PARVB: variants seen among roughly 807,000 people sequenced by gnomAD.
The protein encoded by PARVB is beta-parvin.
In PARVB, 46 loss-of-function variants were observed where a neutral mutation model predicts 47.0. That is an observed-to-expected ratio of 0.98 (90% CI 0.77 to 1.25). The LOEUF (loss-of-function observed/expected upper bound fraction) is 1.25, where lower values mean the gene tolerates loss of function less well. Among genes scored for constraint, PARVB ranks in the 50% most tolerant of loss-of-function variants. PARVB has a pLI of 0.00. For synonymous variants in PARVB, 196 were observed against 196.3 expected (o/e 1.00, Z 0.01); for missense variants, 473 against 471.6 (o/e 1.00, Z -0.03).
chr22:44,122,964 C>T (rs543374833), intron 4 of PARVB, among the ~76,000 whole-genome samples: 9 of 152,162 alleles, frequency 5.9e-5, no homozygotes, highest in Non-Finnish European at 8.8e-5. Context: ...GGAATATCCT[C>T]GTGCAGATGT....
intron 1 of PARVB, among the ~76,000 whole-genome samples, 165 bp from the exon 2 acceptor site, chr22:44,093,763 A>G (rs996751592): frequency 6.6e-6 from 1 of 152,246 alleles, no homozygotes; most frequent in Non-Finnish European, 1.5e-5. Context: ...TTCTTGGTTC[A>G]GAGCATTTTT....
intron 1 of PARVB, among the ~76,000 whole-genome samples, chr22:44,060,157 A>T (rs1367767103): frequency 6.6e-6 from 1 of 152,082 alleles, no homozygotes; most frequent in Non-Finnish European, 1.5e-5. Context: ...TCTACTAAAA[A>T]TACAAAAAAT....
At chr22:44,161,419 T>G (rs1306782408) in intron 11 of PARVB, among the ~76,000 whole-genome samples, 1 of 151,436 alleles carries the variant, frequency 6.6e-6, no homozygotes, top group South Asian at 2.1e-4. Context: ...GTTCAAGCGA[T>G]TCTTCTGCCT....
At chr22:44,115,021 C>A (rs796357654) in intron 3 of PARVB, 1 of 85,024 alleles carries the variant, frequency 1.2e-5, no homozygotes, top group Non-Finnish European at 2.3e-5. Context: ...TAAGGCCCTG[C>A]ACCAACACAG....
At chr22:44,082,254 C>T (rs1436359928) in intron 1 of PARVB, among the ~76,000 whole-genome samples, 3 of 152,216 alleles carry the variant, frequency 2.0e-5, no homozygotes, top group South Asian at 2.1e-4. Flanking sequence ...TGCGGTGGTT[C>T]GTGCCTGTAA....
chr22:44,120,418 G>A (rs745770922), intron 4 of PARVB, among the ~76,000 whole-genome samples: 2 of 152,170 alleles, frequency 1.3e-5, no homozygotes, highest in African/African-American at 4.8e-5. Flanking sequence ...GGAAGGGTCT[G>A]GGCCTCTTGT....
At chr22:44,124,209 C>A (rs1277877976) in intron 4 of PARVB, among the ~76,000 whole-genome samples, 2 of 152,218 alleles carry the variant, frequency 1.3e-5, no homozygotes, top group Non-Finnish European at 2.9e-5. Context: ...TCCACAGACT[C>A]CAGAAGGGAT....
At chr22:44,046,472 G>A (rs1177697114) in intron 1 of PARVB, among the ~76,000 whole-genome samples, 2 of 152,262 alleles carry the variant, frequency 1.3e-5, no homozygotes, top group Admixed American at 6.5e-5. Flanking sequence ...CTGCAAGGTA[G>A]GAGCTGACTG....
At chr22:44,044,545 G>A (rs534367091) in intron 1 of PARVB, among the ~76,000 whole-genome samples, 1 of 152,040 alleles carries the variant, frequency 6.6e-6, no homozygotes, top group South Asian at 2.1e-4. Flanking sequence ...GAGTGCAGTG[G>A]CATGATCTTG....
intron 1 of PARVB, among the ~76,000 whole-genome samples, chr22:44,037,474 G>A (rs951393470): frequency 6.6e-6 from 1 of 152,082 alleles, no homozygotes; most frequent in South Asian, 2.1e-4. Flanking sequence ...TAATCACACC[G>A]TAGCTAAGAC....
At chr22:44,092,024 G>A (rs1257080821) in intron 1 of PARVB, among the ~76,000 whole-genome samples, 1 of 152,082 alleles carries the variant, frequency 6.6e-6, no homozygotes, top group Non-Finnish European at 1.5e-5. Flanking sequence ...GGGACTTGAT[G>A]TTCATTGTTT....
At chr22:44,016,318 G>T (rs536941081) in intron 2 of PARVB, among the ~76,000 whole-genome samples, 2 of 151,782 alleles carry the variant, frequency 1.3e-5, no homozygotes, top group African/African-American at 4.8e-5. Flanking sequence ...GGATGGTCTC[G>T]ATCTCCTGAC....
At chr22:44,143,439 G>C (rs1003599417) in intron 8 of PARVB, 1 of 152,412 alleles carries the variant, frequency 6.6e-6, no homozygotes, top group African/African-American at 2.4e-5. Flanking sequence ...CCCACCCCCT[G>C]CCAAAGCAGC....
intron 4 of PARVB, among the ~76,000 whole-genome samples, chr22:44,129,449 T>C (rs2053262681): frequency 6.6e-6 from 1 of 152,194 alleles, no homozygotes; most frequent in South Asian, 2.1e-4. Context: ...GACGTGGCCA[T>C]GTTCAGTCTG....
rs1401626325 is a variant in PARVB at position 44,125,071 on chromosome 22, G to A, written c.376+5931G>A. Among the ~76,000 whole-genome samples, 3 of 151,966 alleles carry A rather than the reference G, an allele frequency of 2.0e-5. No homozygotes were observed. The highest frequency in any genetic ancestry group is 7.3e-5 in the African/African-American group (3 of 41,348). Reference sequence around the variant, plus strand: ...TGTGACAGGTGGTGGTGAGGGTGGGGGGATGAGGTGCTGGGGAGGCCATGT... The same window carrying A: ...TGTGACAGGTGGTGGTGAGGGTGGGAGGATGAGGTGCTGGGGAGGCCATGT... On this transcript the variant is annotated intron_variant, in intron 4 of 12. Coordinates refer to ENST00000338758, the MANE Select transcript of PARVB (RefSeq NM_013327.5). The surrounding 1 kb of genome is among the most constrained non-coding windows in gnomAD (Gnocchi z 4.1).
upstream of PARVB, among the ~76,000 whole-genome samples, chr22:44,022,884 T>C (rs889112244): frequency 1.3e-5 from 2 of 151,928 alleles, no homozygotes; most frequent in African/African-American, 4.8e-5. Flanking sequence ...GTAGCAGGGA[T>C]TACAGGCATC....
chr22:44,055,089 G>A (rs1355227732), intron 1 of PARVB, among the ~76,000 whole-genome samples: 1 of 151,414 alleles, frequency 6.6e-6, no homozygotes, highest in Non-Finnish European at 1.5e-5. Context: ...AAAAATACTG[G>A]GAAATACATT....
At chr22:44,115,354 C>T (rs1424285454) in intron 3 of PARVB, 2 of 81,384 alleles carry the variant, frequency 2.5e-5, no homozygotes, top group Non-Finnish European at 5.2e-5. Context: ...TAAGGCCCTG[C>T]ACCAACACAG....
chr22:44,024,525 C>A (rs1453716763), intron 1 of PARVB, 74 bp downstream of exon 1: 3 of 715,638 alleles, frequency 4.2e-6, no homozygotes, highest in Non-Finnish European at 5.4e-6. Flanking sequence ...TAGAGCCCCA[C>A]GAGGCCGCCC....
Sources: gnomAD v4.1 joint callset for allele counts (sites outside exome capture counted in the v4.1 genomes callset) on GRCh38, gnomAD v4.1.1 for gene constraint, Gnocchi (gnomAD v3.1) non-coding constraint, MANE v1.5 for transcripts, NCBI Gene and HGNC (gene_info 2026-07-23, HGNC 2026-07-21) for gene names.